ELP1: variants seen among roughly 807,000 people sequenced by gnomAD.
ELP1 encodes elongator acetyltransferase complex subunit 1.
Under a neutral mutation model 183.2 loss-of-function variants are expected in ELP1, and 131 were observed. The observed-to-expected ratio is 0.72, with a 90% CI of 0.62 to 0.83. ELP1 has a LOEUF of 0.83. Ranked by LOEUF, ELP1 falls within the 40% of genes least tolerant of loss-of-function variation. The pLI, the probability that ELP1 is intolerant of heterozygous loss-of-function variation, is 0.00. For synonymous variants in ELP1, 555 were observed against 569.0 expected (o/e 0.98, Z 0.35); for missense variants, 1,550 against 1,594.9 (o/e 0.97, Z 0.48).
In ELP1 at chr9:108,891,276, C is replaced by T. The variant is rs757486866; in HGVS notation, c.3087G>A (p.Lys1029=). The change falls in exon 28 of 37, where the codon AAG becomes AAA. Residue 1029 remains lysine (K), a synonymous_variant. Transcript: ENST00000374647. ...LSAFLTCGNW[K]QALCVAAQLN... ...GCTGGGCTGCCACACAGAGGGCTTG[C>T]TTCCAGTTGCCACATGTCAGAAAGG... 6.2e-7 allele frequency: 1 copy of T among 1,614,228 alleles called. No individual in the cohort carries two copies. Among genetic ancestry groups the T allele is most frequent in the Non-Finnish European group, 8.5e-7 (1 of 1,180,036 alleles).
At chr9:108,924,382 A>G (rs1459774104) in intron 5 of ELP1, among the ~76,000 whole-genome samples, 1 of 152,092 alleles carries the variant, frequency 6.6e-6, no homozygotes. Flanking sequence ...ATCACTCCAT[A>G]GAATGATTTT....
At chr9:108,869,828 G>C (rs886424410) in intron 36 of ELP1, among the ~76,000 whole-genome samples, 3 of 152,204 alleles carry the variant, frequency 2.0e-5, no homozygotes, top group Admixed American at 1.3e-4. Context: ...GTATATATAA[G>C]GATTTTCTTT....
Position 108,891,289 on chromosome 9 carries a change from CAT to C in ELP1, c.3072_3073del (p.Cys1025TrpfsTer14). On this transcript the variant is annotated frameshift_variant, in exon 28 of 37. Coordinates refer to ENST00000374647, the MANE Select transcript of ELP1 (RefSeq NM_003640.5). LOFTEE classifies it high-confidence loss of function. The stretch of plus-strand genomic sequence containing the variant: ...ACAGAGGGCTTGCTTCCAGTTGCCA[CAT>C]GTCAGAAAGGCTGAGAGAGCTTTCT... The C allele has an allele frequency of 6.2e-7, 1 of 1,614,200 alleles. No individual in the cohort carries two copies. Among genetic ancestry groups the C allele is most frequent in the Non-Finnish European group, 8.5e-7 (1 of 1,180,030 alleles).
At chr9:108,912,220 C>T in intron 11 of ELP1, 44 bp downstream of exon 11, 4 of 1,462,768 alleles carry the variant, frequency 2.7e-6, no homozygotes, top group Non-Finnish European at 3.8e-6. Flanking sequence ...GCCCTAGGCT[C>T]AGGACCCCTT....
At chr9:108,896,909 A>T (rs763564683) in intron 24 of ELP1, 44 bp downstream of exon 24, 11 of 1,493,354 alleles carry the variant, frequency 7.4e-6, no homozygotes, top group African/African-American at 1.4e-5. Context: ...GACTAGTAGC[A>T]GTCACGGCCA....
At chr9:108,907,475 A>G (rs1417236549) in intron 13 of ELP1, among the ~76,000 whole-genome samples, 2 of 152,210 alleles carry the variant, frequency 1.3e-5, no homozygotes, top group Admixed American at 1.3e-4. Flanking sequence ...CTTCTGCTGT[A>G]TTTATTAAAT....
intron 35 of ELP1, among the ~76,000 whole-genome samples, chr9:108,877,458 G>C (rs1827743935): frequency 6.6e-6 from 1 of 152,176 alleles, no homozygotes. Context: ...AAGTATAAGA[G>C]AGTGAACAGA....
chr9:108,916,934 A>G (rs1829457128), intron 9 of ELP1, among the ~76,000 whole-genome samples: 1 of 152,208 alleles, frequency 6.6e-6, no homozygotes, highest in Non-Finnish European at 1.5e-5. Context: ...TTAAGATTTA[A>G]ATGTTATAAA....
chr9:108,924,040 T>C (rs1201048104), intron 5 of ELP1, among the ~76,000 whole-genome samples: 1 of 152,208 alleles, frequency 6.6e-6, no homozygotes, highest in Admixed American at 6.5e-5. Context: ...CAAATGGTAG[T>C]GACTATCCTG....
intron 5 of ELP1, among the ~76,000 whole-genome samples, chr9:108,924,048 C>A (rs1829746356): frequency 6.6e-6 from 1 of 152,196 alleles, no homozygotes; most frequent in African/African-American, 2.4e-5. Flanking sequence ...AGTGACTATC[C>A]TGGTGCAAAC....
At chr9:108,912,193 AACC>A in intron 11 of ELP1, 68 bp downstream of exon 11, 1 of 1,191,896 alleles carries the variant, frequency 8.4e-7, no homozygotes, top group Non-Finnish European at 1.3e-6. Flanking sequence ...GTTCCAGTCA[AACC>A]ACCACATCTG....
intron 16 of ELP1, 72 bp downstream of exon 16, chr9:108,902,767 G>A (rs2131994847): frequency 8.8e-7 from 1 of 1,140,822 alleles, no homozygotes; most frequent in Non-Finnish European, 1.3e-6. Flanking sequence ...CAAAGCCCAC[G>A]CTCTTTCTAC....
At chr9:108,900,780 C>A (rs1045533024) in intron 18 of ELP1, among the ~76,000 whole-genome samples, 3 of 151,078 alleles carry the variant, frequency 2.0e-5, no homozygotes, top group African/African-American at 7.3e-5. Flanking sequence ...ACGCCACACA[C>A]ACATACACGC....
In ELP1 at chr9:108,906,332, C is replaced by G. The variant is rs749608070; in HGVS notation, c.1614G>C (p.Met538Ile). The G allele has an allele frequency of 5.6e-6, 9 of 1,614,006 alleles. No homozygotes were observed. In the Admixed American group the frequency reaches 1.5e-4, roughly 27 times the overall value. The part of the protein sequence containing the change: ...IHHLTAASSE[M>I]DEEHGQLNVS... Reference sequence around the variant, plus strand: ...CATTGAGCTGTCCATGCTCTTCATCCATCTCAGAAGAAGCTGCAGTCAAAT... The same window carrying G: ...CATTGAGCTGTCCATGCTCTTCATCGATCTCAGAAGAAGCTGCAGTCAAAT... The change falls in exon 14 of 37, where the codon ATG becomes ATC. Residue 538 changes from methionine (M) to isoleucine (I), a missense_variant. By Grantham distance (10) the Met-to-Ile change is conservative. Transcript: ENST00000374647.
In ELP1 at chr9:108,906,422, C is replaced by T; in HGVS notation, c.1524G>A (p.Trp508Ter). ...VNPLKLGLLT[W>*]IEEDVFLAVS... ...CAGCCAGGAAGACGTCTTCTTCAAT[C>T]CAAGTGAGAAGGCCTAGTTTCAGCG... Residue 508 changes from tryptophan to a stop codon, truncating the protein, a stop_gained, in exon 14 of 37, where the codon TGG becomes TGA. Transcript: ENST00000374647. LOFTEE classifies it high-confidence loss of function. The T allele has an allele frequency of 6.2e-7, 1 of 1,614,050 alleles. No homozygotes were observed. The highest frequency in any genetic ancestry group is 1.1e-5 in the South Asian group (1 of 91,078).
At chr9:108,880,482 G>C (rs976527580) in intron 31 of ELP1, among the ~76,000 whole-genome samples, 2 of 151,984 alleles carry the variant, frequency 1.3e-5, no homozygotes, top group African/African-American at 2.4e-5. Context: ...AAAAAAAGGG[G>C]GGGTAGGGGA....
chr9:108,879,779 C>T (rs1485226573), intron 32 of ELP1, among the ~76,000 whole-genome samples: 1 of 152,164 alleles, frequency 6.6e-6, no homozygotes, highest in Admixed American at 6.5e-5. Context: ...TGAGGAAACT[C>T]ATTTTGTTAG....
intron 9 of ELP1, 27 bp from the exon 10 acceptor site, chr9:108,916,324 G>T (rs1587913594): frequency 5.2e-6 from 8 of 1,548,102 alleles, no homozygotes; most frequent in Non-Finnish European, 4.5e-6. Flanking sequence ...ATCTGTCATT[G>T]GCTTTCAGTT....
chr9:108,896,851 T>C, intron 24 of ELP1, 102 bp downstream of exon 24: 2 of 1,188,036 alleles, frequency 1.7e-6, no homozygotes, highest in Non-Finnish European at 2.5e-6. Flanking sequence ...AAAAGTCACA[T>C]GTTAAATCTG....
Sources: allele counts gnomAD v4.1 joint callset (sites outside exome capture counted in the v4.1 genomes callset), GRCh38; gene constraint gnomAD v4.1.1; transcripts MANE v1.5; gene names NCBI Gene and HGNC (gene_info 2026-07-23, HGNC 2026-07-21).